Variants in PRKN observed in about 807,000 individuals in gnomAD.
PRKN encodes E3 ubiquitin-protein ligase parkin.
A neutral mutation model predicts 59.5 loss-of-function variants in PRKN; 56 were observed. The observed-to-expected ratio is 0.94, with a 90% CI of 0.76 to 1.18. The LOEUF (loss-of-function observed/expected upper bound fraction) is 1.18. Ranked by LOEUF, PRKN falls within the 50% of genes most tolerant of loss-of-function variation. The pLI is 0.00. For synonymous variants in PRKN, 250 were observed against 222.1 expected, an observed-to-expected ratio of 1.13 and a Z score of -1.12; for missense variants, 657 against 596.4, an observed-to-expected ratio of 1.10 and a Z score of -1.06.
intron 6 of PRKN, among the ~76,000 whole-genome samples, chr6:161,943,901 C>T (rs1478004250): frequency 6.9e-6 from 1 of 144,842 alleles, no homozygotes; most frequent in African/African-American, 2.7e-5. Context: ...CCTGAGGATG[C>T]AGCCTGAGGG....
At chr6:161,646,789 G>C (rs1022612838) in intron 7 of PRKN, among the ~76,000 whole-genome samples, 1 of 152,158 alleles carries the variant, frequency 6.6e-6, no homozygotes, top group Non-Finnish European at 1.5e-5. Context: ...ACCCAAACAG[G>C]ATTGGGATCT....
intron 2 of PRKN, among the ~76,000 whole-genome samples, chr6:162,389,680 AATT>A (rs1482031990): frequency 6.6e-6 from 1 of 152,204 alleles, no homozygotes; most frequent in Non-Finnish European, 1.5e-5. Flanking sequence ...TAATATTCTC[AATT>A]TACAAATAAG....
At chr6:162,023,596 C>T (rs2128276729) in intron 5 of PRKN, among the ~76,000 whole-genome samples, 1 of 152,252 alleles carries the variant, frequency 6.6e-6, no homozygotes, top group Admixed American at 6.5e-5. Context: ...CGGCTTGCAT[C>T]TTCTTCCGCC....
intron 1 of PRKN, among the ~76,000 whole-genome samples, chr6:162,693,469 A>AGTAG (rs1777852619): frequency 1.3e-5 from 2 of 152,204 alleles, no homozygotes; most frequent in Non-Finnish European, 2.9e-5. Flanking sequence ...GCAGTGAGCA[A>AGTAG]GCTGTACTTA....
intron 5 of PRKN, among the ~76,000 whole-genome samples, chr6:162,053,763 T>G (rs1410819273): frequency 6.6e-6 from 1 of 152,178 alleles, no homozygotes; most frequent in Non-Finnish European, 1.5e-5. Flanking sequence ...GCTTCTGTAA[T>G]TTTTCTTTTG....
At chr6:161,813,895 T>C (rs1791661039) in intron 6 of PRKN, among the ~76,000 whole-genome samples, 1 of 152,210 alleles carries the variant, frequency 6.6e-6, no homozygotes, top group Non-Finnish European at 1.5e-5. Context: ...CCCACATCTC[T>C]GCAAATTCAT....
At chr6:162,528,780 A>G (rs2846499) in intron 1 of PRKN, among the ~76,000 whole-genome samples, 53,294 of 152,048 alleles carry the variant, frequency 0.35, 11,175 homozygotes, top group Middle Eastern at 0.51. Context: ...CCTGGATGAC[A>G]GAGTGAGATC....
At chr6:161,866,252 A>G (rs2128225709) in intron 6 of PRKN, among the ~76,000 whole-genome samples, 1 of 151,768 alleles carries the variant, frequency 6.6e-6, no homozygotes, top group African/African-American at 2.4e-5. Context: ...CAGATATAAT[A>G]ATAATGAAAA....
At chr6:161,455,429 C>T (rs1210373040) in intron 9 of PRKN, among the ~76,000 whole-genome samples, 1 of 152,168 alleles carries the variant, frequency 6.6e-6, no homozygotes, top group Non-Finnish European at 1.5e-5. Context: ...CTATTTACAT[C>T]AGCCTACTAA....
chr6:161,580,840 C>T (rs1045852910), intron 7 of PRKN, among the ~76,000 whole-genome samples: 12 of 151,868 alleles, frequency 7.9e-5, no homozygotes, highest in African/African-American at 2.7e-4. Flanking sequence ...ACACGGATAT[C>T]GTTGGTGTGT....
chr6:161,898,048 A>G (rs1308374687), intron 6 of PRKN, among the ~76,000 whole-genome samples: 1 of 151,728 alleles, frequency 6.6e-6, no homozygotes, highest in Non-Finnish European at 1.5e-5. Context: ...TCAAGAACAA[A>G]TCTCTGATTA....
Position 161,570,250 on chromosome 6 carries a change from A to T in PRKN, c.872-834T>A, listed in dbSNP as rs1195685662. ...TAATGTATAGATATGAGTTATATAT[A>T]TTTTTATATAACTCACATATATAAA... On this transcript the variant is annotated intron_variant, in intron 7 of 11. Transcript: ENST00000366898. 1.9e-4 allele frequency among the ~76,000 whole-genome samples: 27 copies of T among 145,402 alleles called. No homozygotes were observed. In the Admixed American group the frequency reaches 1.9e-3, roughly 10 times the overall value.
At position 161,733,770 on chromosome 6, in the gene PRKN, G is replaced by GAAAAAAAA. The variant is rs71544915; in HGVS notation, c.871+51994_871+52001dup. ...GTATTGTTGAAAATTCCCAGGGGGTGAAAAAAAAAAAAAATATATATATAT... is the reference window on the plus strand; with the variant it reads ...GTATTGTTGAAAATTCCCAGGGGGTGAAAAAAAAAAAAAAAAAAAAAATATATATATAT... On this transcript the variant is annotated intron_variant, in intron 7 of 11. Coordinates refer to ENST00000366898, the MANE Select transcript of PRKN (RefSeq NM_004562.3). 2.4e-4 allele frequency among the ~76,000 whole-genome samples: 25 copies of GAAAAAAAA among 102,404 alleles called. 1 individual carries two copies. The highest frequency in any genetic ancestry group is 9.5e-4 in the African/African-American group (22 of 23,086). The allele number at this position is 102,404 out of a possible 152,430, so 67.2% of individuals were successfully genotyped here.
intron 4 of PRKN, among the ~76,000 whole-genome samples, chr6:162,131,761 T>A (rs1188897997): frequency 1.3e-5 from 2 of 152,210 alleles, no homozygotes; most frequent in Non-Finnish European, 2.9e-5. Flanking sequence ...AATGTAAGAT[T>A]TTTTGCACTG....
intron 7 of PRKN, among the ~76,000 whole-genome samples, chr6:161,580,192 C>T (rs527678180): frequency 3.0e-4 from 46 of 152,264 alleles, no homozygotes; most frequent in South Asian, 4.1e-4. Context: ...CATTTTATCA[C>T]GAGAATTAGT....
intron 2 of PRKN, among the ~76,000 whole-genome samples, chr6:162,408,086 A>G (rs1282248640): frequency 6.6e-6 from 1 of 152,160 alleles, no homozygotes; most frequent in Non-Finnish European, 1.5e-5. Context: ...CTGACTATAT[A>G]AAATTCCTAC....
intron 9 of PRKN, among the ~76,000 whole-genome samples, chr6:161,516,790 G>GCAC (rs1225288846): frequency 8.3e-6 from 1 of 120,796 alleles, no homozygotes; most frequent in African/African-American, 3.2e-5. Context: ...TCGCACCACT[G>GCAC]CACTCCAGCC....
intron 4 of PRKN, among the ~76,000 whole-genome samples, chr6:162,114,870 A>C (rs1780598180): frequency 6.6e-6 from 1 of 152,086 alleles, no homozygotes; most frequent in African/African-American, 2.4e-5. Context: ...GATGTGGAGA[A>C]ATAGGAACAC....
chr6:161,442,077 G>A lies in PRKN; in HGVS notation c.1084-55200C>T, dbSNP rs1201739473. 6.6e-6 allele frequency among the ~76,000 whole-genome samples: 1 copy of A among 152,210 alleles called. No homozygotes were observed. The highest frequency in any genetic ancestry group is 1.5e-5 in the Non-Finnish European group (1 of 68,044). ...GTTCAGTGGGCTAATGCAGCCACAC[G>A]AGTGAGTTTTATTTTCATCCCTACT... On this transcript the variant is annotated intron_variant, in intron 9 of 11. Coordinates refer to ENST00000366898, the MANE Select transcript of PRKN (RefSeq NM_004562.3). This position sits in a 1 kb window ranked among gnomAD's most constrained non-coding sequence, Gnocchi z 4.6.
Sources: allele counts gnomAD v4.1 joint callset (sites outside exome capture counted in the v4.1 genomes callset), GRCh38; gene constraint gnomAD v4.1.1; non-coding constraint Gnocchi (gnomAD v3.1); transcripts MANE v1.5; gene names NCBI Gene and HGNC (gene_info 2026-07-23, HGNC 2026-07-21).